The following DPYSL3 variants were observed in gnomAD, a reference collection of about 807,000 sequenced individuals.
DPYSL3 encodes the protein dihydropyrimidinase-related protein 3.
A neutral mutation model predicts 66.1 loss-of-function variants in DPYSL3; 16 were observed. That is an observed-to-expected ratio of 0.24 (90% CI 0.16 to 0.37). The LOEUF is 0.37. DPYSL3 is among the 10% of genes least tolerant of loss of function. The pLI is 1.00. For missense variants in DPYSL3, 738 were observed against 916.2 expected (o/e 0.81, Z 2.51); for synonymous variants, 338 against 345.1 (o/e 0.98, Z 0.23).
chr5:147,442,179 TAC>T (rs1033080150), intron 1 of DPYSL3, among the ~76,000 whole-genome samples: 1 of 152,190 alleles, frequency 6.6e-6, no homozygotes, highest in Admixed American at 6.5e-5. Flanking sequence ...CAAACACACA[TAC>T]ACACAGAAAA....
At chr5:147,421,423 G>A (rs760672723) in intron 2 of DPYSL3, among the ~76,000 whole-genome samples, 8 of 152,110 alleles carry the variant, frequency 5.3e-5, no homozygotes, top group Non-Finnish European at 5.9e-5. Context: ...TAATGAAAAT[G>A]GCCATATTGC....
At chr5:147,440,705 A>G (rs1752515490) in intron 1 of DPYSL3, among the ~76,000 whole-genome samples, 1 of 152,214 alleles carries the variant, frequency 6.6e-6, no homozygotes, top group African/African-American at 2.4e-5. Flanking sequence ...GGGGCCAAAT[A>G]TTTCCTGTCT....
chr5:147,445,923 C>T (rs1752622512), intron 1 of DPYSL3, among the ~76,000 whole-genome samples: 1 of 152,204 alleles, frequency 6.6e-6, no homozygotes, highest in Non-Finnish European at 1.5e-5. Flanking sequence ...TATTCCATTT[C>T]TCCTCTGCAC....
intron 4 of DPYSL3, 139 bp downstream of exon 4, chr5:147,415,570 G>A (rs1319582952): frequency 4.0e-6 from 4 of 1,009,662 alleles, no homozygotes; most frequent in Non-Finnish European, 5.9e-6. Flanking sequence ...CTGGAACATT[G>A]TGTTATCCCT....
intron 10 of DPYSL3, among the ~76,000 whole-genome samples, chr5:147,399,570 T>C (rs1226783705): frequency 6.6e-6 from 1 of 152,226 alleles, no homozygotes; most frequent in African/African-American, 2.4e-5. Context: ...GAGTTCACAG[T>C]AAAAACAAAT....
At chr5:147,459,156 C>T (rs572443719) in intron 1 of DPYSL3, among the ~76,000 whole-genome samples, 2 of 151,894 alleles carry the variant, frequency 1.3e-5, no homozygotes, top group East Asian at 3.9e-4. Context: ...CCTTTAATCT[C>T]CAAAACATTT....
chr5:147,484,277 C>G (rs530810681), intron 1 of DPYSL3, among the ~76,000 whole-genome samples: 1 of 152,208 alleles, frequency 6.6e-6, no homozygotes, highest in Non-Finnish European at 1.5e-5. Flanking sequence ...ATTTATGTCT[C>G]GCTGAGGGCT....
chr5:147,462,685 G>A (rs1194032620), intron 1 of DPYSL3, among the ~76,000 whole-genome samples: 1 of 152,148 alleles, frequency 6.6e-6, no homozygotes, highest in Non-Finnish European at 1.5e-5. Context: ...AAGGCTGTCA[G>A]TTTTGAGTGA....
intron 1 of DPYSL3, among the ~76,000 whole-genome samples, chr5:147,488,984 C>G (rs938030341): frequency 6.6e-6 from 1 of 151,388 alleles, no homozygotes; most frequent in Non-Finnish European, 1.5e-5. Flanking sequence ...CACTGTACTC[C>G]AGCCTGGGCA....
intron 1 of DPYSL3, among the ~76,000 whole-genome samples, chr5:147,436,446 T>A (rs1026868124): frequency 6.6e-6 from 1 of 152,224 alleles, no homozygotes; most frequent in African/African-American, 2.4e-5. Context: ...TTTATTATAT[T>A]TTTGTGTGAG....
chr5:147,408,788 G>C lies in DPYSL3; in HGVS notation c.972C>G (p.Thr324=), dbSNP rs35891125. The change falls in exon 7 of 14, where the codon ACC becomes ACG. Residue 324 remains threonine (T), a synonymous_variant. Transcript: ENST00000343218. ...ENGDIIAQEQ[T]RMLEMGITGP... is the part of the protein sequence containing the mutation. ...CAGTTATCCCCATTTCCAACATGCG[G>C]GTTTGCTCCTGAAATGAAAAAAGAA... The C allele has an allele frequency of 2.3e-3, 3,677 of 1,614,130 alleles. 82 individuals are homozygous for C. In the African/African-American group the frequency reaches 0.044, roughly 19 times the overall value.
chr5:147,480,137 A>T (rs1426566223), intron 1 of DPYSL3, among the ~76,000 whole-genome samples: 1 of 152,174 alleles, frequency 6.6e-6, no homozygotes, highest in Non-Finnish European at 1.5e-5. Context: ...GCACGTAGAG[A>T]ATAAAAGGCG....
intron 2 of DPYSL3, among the ~76,000 whole-genome samples, chr5:147,422,711 G>A (rs545395194): frequency 3.9e-5 from 6 of 152,210 alleles, no homozygotes; most frequent in Non-Finnish European, 7.4e-5. Context: ...GCAGGGACAT[G>A]GATGAAGCTG....
chr5:147,454,280 AGGAGGGCTGGGC>A (rs907491679), intron 1 of DPYSL3: 3 of 152,124 alleles, frequency 2.0e-5, no homozygotes, highest in Non-Finnish European at 4.4e-5. Context: ...TTTGTTCGAG[AGGAGGGCTGGGC>A]GCCGCCTCTG....
intron 1 of DPYSL3, among the ~76,000 whole-genome samples, chr5:147,481,738 C>A (rs1188307548): frequency 6.6e-6 from 1 of 152,162 alleles, no homozygotes; most frequent in East Asian, 1.9e-4. Flanking sequence ...CTCATTTTTG[C>A]CTCTCTTGCC....
Position 147,415,934 on chromosome 5 carries a change from A to C in DPYSL3, c.656-61T>G. ...ACACAGCCTTTGCTCCCCTCTGCCCAGGCCTGCTCCTGCTTGCTTAGCTGT... is the reference window on the plus strand; with the variant it reads ...ACACAGCCTTTGCTCCCCTCTGCCCCGGCCTGCTCCTGCTTGCTTAGCTGT... On this transcript the variant is annotated intron_variant, in intron 3 of 13. Coordinates refer to ENST00000343218, the MANE Select transcript of DPYSL3 (RefSeq NM_001197294.2). 4.5e-6 allele frequency: 7 copies of C among 1,559,798 alleles called. No homozygotes were observed. In the South Asian group the frequency reaches 8.4e-5, roughly 19 times the overall value.
intron 7 of DPYSL3, among the ~76,000 whole-genome samples, chr5:147,407,250 A>G (rs1008247933): frequency 3.9e-5 from 6 of 152,090 alleles, no homozygotes; most frequent in Non-Finnish European, 7.4e-5. Context: ...CAACATGACT[A>G]TCTTTGGAAG....
chr5:147,463,444 A>G (rs1201866546), intron 1 of DPYSL3, among the ~76,000 whole-genome samples: 2 of 152,290 alleles, frequency 1.3e-5, no homozygotes, highest in Middle Eastern at 3.4e-3. Context: ...GGAAGGGGAA[A>G]GATTAAAAGA....
At chr5:147,415,967 G>A in intron 3 of DPYSL3, 94 bp from the exon 4 acceptor site, 1 of 1,367,276 alleles carries the variant, frequency 7.3e-7, no homozygotes, top group South Asian at 1.4e-5. Flanking sequence ...TGTGACTGCA[G>A]AATCTCTATT....
Sources: allele counts gnomAD v4.1 joint callset (sites outside exome capture counted in the v4.1 genomes callset), GRCh38; gene constraint gnomAD v4.1.1; transcripts MANE v1.5; gene names NCBI Gene and HGNC (gene_info 2026-07-23, HGNC 2026-07-21).